GALNT16: variants seen among roughly 807,000 people sequenced by gnomAD.
GALNT16 encodes the protein UDP-GalNAc:polypeptide N-acetylgalactosaminyltransferase-like protein 1.
A neutral mutation model predicts 76.1 loss-of-function variants in GALNT16; 40 were observed. That is an observed-to-expected ratio of 0.53 (90% CI 0.41 to 0.68). GALNT16 has a LOEUF of 0.68. Ranked by LOEUF, GALNT16 falls within the 30% of genes least tolerant of loss-of-function variation. The pLI is 0.00. For missense variants in GALNT16, 621 were observed against 731.9 expected, an observed-to-expected ratio of 0.85 and a Z score of 1.75; for synonymous variants, 276 against 285.2, an observed-to-expected ratio of 0.97 and a Z score of 0.32.
chr14:69,288,317 G>T (rs888187864), intron 1 of GALNT16, among the ~76,000 whole-genome samples: 8 of 152,172 alleles, frequency 5.3e-5, no homozygotes, highest in African/African-American at 1.9e-4. Flanking sequence ...TGCGTCTTTA[G>T]AAAGCCACAG....
chr14:69,322,923 GGGGTGTGTGTGT>G (rs1278656751), intron 2 of GALNT16, among the ~76,000 whole-genome samples: 60 of 105,150 alleles, frequency 5.7e-4, no homozygotes, highest in African/African-American at 1.6e-3. Context: ...GGTGGCTCAC[GGGGTGTGTGTGT>G]GTGTGTGTGT....
intron 1 of GALNT16, among the ~76,000 whole-genome samples, chr14:69,292,506 C>T (rs958883970): frequency 2.6e-5 from 4 of 152,344 alleles, no homozygotes; most frequent in Non-Finnish European, 4.4e-5. Context: ...CTCCTGAGCG[C>T]ATCTCCGTCC....
At chr14:69,270,068 T>C (rs527649149) in intron 1 of GALNT16, among the ~76,000 whole-genome samples, 6 of 152,080 alleles carry the variant, frequency 3.9e-5, no homozygotes, top group African/African-American at 1.4e-4. Flanking sequence ...TCTGGTACAG[T>C]TGGGACTCTG....
chr14:69,321,660 C>G (rs118021830), intron 2 of GALNT16, among the ~76,000 whole-genome samples: 6 of 152,192 alleles, frequency 3.9e-5, no homozygotes, highest in Non-Finnish European at 5.9e-5. Flanking sequence ...TTCACACATG[C>G]TGTTTCCTCT....
chr14:69,341,816 G>C (rs755447499), intron 12 of GALNT16, 52 bp downstream of exon 12: 1 of 1,272,290 alleles, frequency 7.9e-7, no homozygotes, highest in Non-Finnish European at 1.1e-6. Context: ...GGGGTGGTTG[G>C]GGCCAGCGGC....
intron 7 of GALNT16, 117 bp from the exon 8 acceptor site, chr14:69,332,968 C>T (rs1270705724): frequency 1.3e-6 from 1 of 761,418 alleles, no homozygotes; most frequent in Admixed American, 1.9e-5. Flanking sequence ...GAAGGAGGGA[C>T]TGCACGAAGA....
At chr14:69,311,386 C>T (rs908814229) in intron 1 of GALNT16, among the ~76,000 whole-genome samples, 52 of 152,166 alleles carry the variant, frequency 3.4e-4, no homozygotes, top group Non-Finnish European at 7.3e-5. Context: ...CCCAAAAGAC[C>T]TTACTTCTTA....
At position 69,325,952 on chromosome 14, in the gene GALNT16, G is replaced by T. The variant is rs368886523; in HGVS notation, c.503-10G>T. 16 of 1,612,266 alleles carry T rather than the reference G, an allele frequency of 9.9e-6. No individual in the cohort carries two copies. Among genetic ancestry groups the T allele is most frequent in the Non-Finnish European group, 1.3e-5 (15 of 1,178,500 alleles). ...TCTAAATGAGCTTGCCTTCCTCTTT[G>T]CATCCTCAGCGGAAGACTGTCTACT... On this transcript the variant is annotated splice_polypyrimidine_tract_variant and intron_variant, in intron 4 of 14. Coordinates refer to ENST00000448469, the MANE Select transcript of GALNT16 (RefSeq NM_001168368.2).
At chr14:69,346,506 C>T (rs1472738611) in intron 12 of GALNT16, among the ~76,000 whole-genome samples, 1 of 152,032 alleles carries the variant, frequency 6.6e-6, no homozygotes, top group Non-Finnish European at 1.5e-5. Context: ...CAGCTGTTGC[C>T]GACACTGGGC....
chr14:69,308,967 A>G (rs2044977146), intron 1 of GALNT16, among the ~76,000 whole-genome samples: 3 of 152,222 alleles, frequency 2.0e-5, no homozygotes, highest in African/African-American at 2.4e-5. Context: ...GCAAGACATT[A>G]TGTCTCATTT....
chr14:69,344,092 C>G (rs1044613916), intron 12 of GALNT16, among the ~76,000 whole-genome samples: 1 of 152,196 alleles, frequency 6.6e-6, no homozygotes, highest in Non-Finnish European at 1.5e-5. Context: ...TTCCTCCAAA[C>G]AGGGGGTCCC....
intron 1 of GALNT16, among the ~76,000 whole-genome samples, chr14:69,277,701 T>C (rs1425429803): frequency 1.3e-5 from 2 of 152,242 alleles, no homozygotes; most frequent in African/African-American, 4.8e-5. Flanking sequence ...CATGTGTCTT[T>C]ATAGCAGCAT....
Position 69,353,087 on chromosome 14 carries a change from G to A in GALNT16, c.*919G>A, listed in dbSNP as rs183020636. Among the ~76,000 whole-genome samples, 3 of 152,178 alleles carry A rather than the reference G, an allele frequency of 2.0e-5. No homozygotes were observed. The highest frequency in any genetic ancestry group is 2.0e-4 in the Admixed American group (3 of 15,280). Reference sequence around the variant, plus strand: ...TGCCGCCAGGACCCACTGAAAGGACGGGTAGCCACACACATCCCTGAGTAG... The same window carrying A: ...TGCCGCCAGGACCCACTGAAAGGACAGGTAGCCACACACATCCCTGAGTAG... On this transcript the variant is annotated 3_prime_UTR_variant, in exon 15 of 15. Coordinates refer to ENST00000448469, the MANE Select transcript of GALNT16 (RefSeq NM_001168368.2).
At chr14:69,301,903 T>A (rs567194344) in intron 1 of GALNT16, among the ~76,000 whole-genome samples, 1 of 152,206 alleles carries the variant, frequency 6.6e-6, no homozygotes, top group African/African-American at 2.4e-5. Context: ...GGCAGGAGAA[T>A]CGCTTGAACC....
chr14:69,372,543 T>A, the GALNT16 span, among the ~76,000 whole-genome samples: 1 of 142,804 alleles, frequency 7.0e-6, no homozygotes, highest in African/African-American at 2.6e-5. Flanking sequence ...TTGCCCAGGC[T>A]GGAGTGCAGT....
intron 1 of GALNT16, among the ~76,000 whole-genome samples, chr14:69,319,650 T>C (rs1204249042): frequency 6.6e-6 from 1 of 152,218 alleles, no homozygotes; most frequent in Non-Finnish European, 1.5e-5. Context: ...AGATGTGTCC[T>C]TCCCCAGTGT....
intron 1 of GALNT16, among the ~76,000 whole-genome samples, chr14:69,316,085 T>C (rs2140157091): frequency 6.6e-6 from 1 of 152,336 alleles, no homozygotes; most frequent in South Asian, 2.1e-4. Context: ...AGCCAGGGTC[T>C]TGTGCTCACC....
chr14:69,377,804 CAAAAAAAAAAAAA>C, the GALNT16 span, among the ~76,000 whole-genome samples: 122 of 37,484 alleles, frequency 3.3e-3, 1 homozygote, highest in African/African-American at 0.011. Context: ...GAGACTGTCT[CAAAAAAAAAAAAA>C]AAAAAAAAAA....
At chr14:69,341,563 G>T in intron 11 of GALNT16, 118 bp from the exon 12 acceptor site, 1 of 677,210 alleles carries the variant, frequency 1.5e-6, no homozygotes, top group South Asian at 1.7e-5. Flanking sequence ...CAGGCTGGAA[G>T]TCTCCTGGTC....
Sources: allele counts gnomAD v4.1 joint callset (sites outside exome capture counted in the v4.1 genomes callset), GRCh38; gene constraint gnomAD v4.1.1; transcripts MANE v1.5; gene names NCBI Gene and HGNC (gene_info 2026-07-23, HGNC 2026-07-21).